The following DNAJC13 variants were observed in gnomAD, a reference collection of about 807,000 sequenced individuals.
The protein encoded by DNAJC13 is dnaJ homolog subfamily C member 13.
DNAJC13 carries 75 observed loss-of-function variants against 290.5 expected under a neutral mutation model. The ratio of observed to expected loss-of-function variants is 0.26; its 90% confidence interval spans 0.21 to 0.31. DNAJC13 has a LOEUF of 0.31. DNAJC13 is among the 10% of genes least tolerant of loss of function. The probability of loss-of-function intolerance (pLI) is 1.00; values close to 1 mark genes in which losing one functional copy is unlikely to be tolerated. For missense variants in DNAJC13, 2,260 were observed against 2,674.5 expected (o/e 0.85, Z 3.42); for synonymous variants, 862 against 892.0 (o/e 0.97, Z 0.60).
In DNAJC13 at chr3:132,454,049, T is replaced by C. The variant is rs779990962; in HGVS notation, c.841-17T>C. The C allele has an allele frequency of 1.2e-5, 19 of 1,558,918 alleles. 1 individual carries two copies. The Admixed American group carries it at 3.9e-4, about 32-fold the overall frequency. On this transcript the variant is annotated splice_polypyrimidine_tract_variant and intron_variant, in intron 8 of 55. Transcript: ENST00000260818. ...TAAACTTTTTTTTGTTGAAGCTATT[T>C]TTTGTTTTTTCATTAGGTATTTGCG... is the stretch of plus-strand genomic sequence containing the variant.
chr3:132,494,914 AG>A (rs1935183130), intron 34 of DNAJC13, among the ~76,000 whole-genome samples, 173 bp from the exon 35 acceptor site: 1 of 150,624 alleles, frequency 6.6e-6, no homozygotes, highest in Non-Finnish European at 1.5e-5. Flanking sequence ...CACCCATAAA[AG>A]TAACATGTTA....
At chr3:132,493,476 C>T (rs1215889954) in intron 33 of DNAJC13, among the ~76,000 whole-genome samples, 1 of 151,742 alleles carries the variant, frequency 6.6e-6, no homozygotes, top group Non-Finnish European at 1.5e-5. Flanking sequence ...TCCAGCTCTA[C>T]CACTAAACTG....
chr3:132,511,317 A>T (rs1206585129), intron 44 of DNAJC13, 73 bp downstream of exon 44: 9 of 1,534,430 alleles, frequency 5.9e-6, no homozygotes, highest in Admixed American at 3.9e-5. Context: ...AATCAATTTT[A>T]TCAGGGAAAC....
chr3:132,504,191 T>A (rs924138732), intron 41 of DNAJC13, among the ~76,000 whole-genome samples: 2 of 152,104 alleles, frequency 1.3e-5, no homozygotes, highest in Non-Finnish European at 2.9e-5. Context: ...TTCCAAAGTA[T>A]TTTTACAACT....
At chr3:132,454,378 A>G (rs1348134277) in intron 9 of DNAJC13, among the ~76,000 whole-genome samples, 1 of 121,812 alleles carries the variant, frequency 8.2e-6, no homozygotes, top group South Asian at 2.6e-4. Context: ...CTGGAGTGCT[A>G]TGGCGTGATC....
chr3:132,447,233 T>C, intron 3 of DNAJC13, 88 bp from the exon 4 acceptor site: 1 of 1,166,994 alleles, frequency 8.6e-7, no homozygotes, highest in East Asian at 2.8e-5. Flanking sequence ...GCTGATTTAA[T>C]CAGTGATTAT....
At chr3:132,507,942 A>G (rs1027422282) in intron 43 of DNAJC13, among the ~76,000 whole-genome samples, 4 of 152,248 alleles carry the variant, frequency 2.6e-5, no homozygotes, top group African/African-American at 9.6e-5. Context: ...GCCGAAAGCT[A>G]TGCCTCTTGT....
intron 16 of DNAJC13, 35 bp from the exon 17 acceptor site, chr3:132,463,661 G>GCCA: frequency 6.3e-7 from 1 of 1,579,978 alleles, no homozygotes; most frequent in Admixed American, 1.8e-5. Context: ...GTCCTGGATT[G>GCCA]CCACCTTAGG....
At chr3:132,535,287 T>TA (rs1192282903) in intron 55 of DNAJC13, among the ~76,000 whole-genome samples, 1 of 152,224 alleles carries the variant, frequency 6.6e-6, no homozygotes, top group Non-Finnish European at 1.5e-5. Flanking sequence ...GTAAAAATTT[T>TA]AAAGTCCTAG....
chr3:132,470,575 G>A (rs1178416482), intron 20 of DNAJC13, among the ~76,000 whole-genome samples: 3 of 139,782 alleles, frequency 2.1e-5, no homozygotes, highest in South Asian at 2.3e-4. Flanking sequence ...GGGCAGAGGC[G>A]CCCCTCACCT....
At chr3:132,440,292 G>T (rs982465473) in intron 2 of DNAJC13, among the ~76,000 whole-genome samples, 14 of 152,140 alleles carry the variant, frequency 9.2e-5, no homozygotes, top group African/African-American at 3.4e-4. Flanking sequence ...AAACATAAAT[G>T]TACTAATTAT....
chr3:132,526,363 T>C lies in DNAJC13; in HGVS notation c.6381+82T>C, dbSNP rs1576522501. The C allele has an allele frequency of 6.5e-6, 10 of 1,550,234 alleles. No individual in the cohort carries two copies. In the East Asian group the frequency reaches 2.3e-4, roughly 35 times the overall value. The stretch of plus-strand genomic sequence containing the variant: ...TTTTACCTATTTGGTACTGATTTGG[T>C]TTCCTTGACTTAAGGTTGGTGAGAG... On this transcript the variant is annotated intron_variant, in intron 53 of 55. Coordinates refer to ENST00000260818, the MANE Select transcript of DNAJC13 (RefSeq NM_015268.4).
intron 13 of DNAJC13, among the ~76,000 whole-genome samples, chr3:132,459,935 T>C (rs2107672576): frequency 6.6e-6 from 1 of 152,352 alleles, no homozygotes; most frequent in Non-Finnish European, 1.5e-5. Context: ...TGCTAAGTTT[T>C]ATTTCAAATT....
intron 55 of DNAJC13, chr3:132,537,073 CCT>C: frequency 4.4e-6 from 2 of 454,566 alleles, no homozygotes; most frequent in Non-Finnish European, 4.4e-6. Context: ...TCCACCAATC[CCT>C]GTTTCTACCT....
At position 132,511,192 on chromosome 3, in the gene DNAJC13, G is replaced by T; in HGVS notation, c.5241G>T (p.Pro1747=). The T allele has an allele frequency of 6.2e-7, 1 of 1,613,822 alleles. No individual in the cohort carries two copies. The highest frequency in any genetic ancestry group is 8.5e-7 in the Non-Finnish European group (1 of 1,179,858). Reference sequence around the variant, plus strand: ...CAGAGCAACATGGAGATCGCTTACCGAGAGTAGAAATGGCTTTGGAGGCTC... The same window carrying T: ...CAGAGCAACATGGAGATCGCTTACCTAGAGTAGAAATGGCTTTGGAGGCTC... The part of the protein sequence containing the change: ...VESEQHGDRL[P]RVEMALEALR... The change falls in exon 44 of 56, where the codon CCG becomes CCT. Residue 1747 remains proline (P), a synonymous_variant. Coordinates refer to ENST00000260818, the MANE Select transcript of DNAJC13 (RefSeq NM_015268.4).
intron 1 of DNAJC13, among the ~76,000 whole-genome samples, chr3:132,417,965 G>A (rs1938841239): frequency 6.6e-6 from 1 of 152,152 alleles, no homozygotes; most frequent in African/African-American, 2.4e-5. Flanking sequence ...AGTGACATTA[G>A]CTCAGGGCGC....
At chr3:132,511,385 C>A in intron 44 of DNAJC13, 141 bp downstream of exon 44, 2 of 1,003,664 alleles carry the variant, frequency 2.0e-6, no homozygotes, top group Non-Finnish European at 2.8e-6. Context: ...GGAATTGACC[C>A]TGTAATAGTT....
chr3:132,492,375 T>C (rs1935081645), intron 32 of DNAJC13, 39 bp from the exon 33 acceptor site: 6 of 1,594,624 alleles, frequency 3.8e-6, no homozygotes, highest in South Asian at 1.1e-5. Flanking sequence ...TTTAAAATAA[T>C]ACCTCATAAA....
At chr3:132,478,289 G>GTATATGTAAATATACAT in intron 24 of DNAJC13, 149 bp downstream of exon 24, 1 of 656,816 alleles carries the variant, frequency 1.5e-6, no homozygotes, top group South Asian at 2.9e-5. Context: ...ATTTAAATCT[G>GTATATGTAAATATACAT]AGTTAGATGA....
Sources: allele counts gnomAD v4.1 joint callset (sites outside exome capture counted in the v4.1 genomes callset), GRCh38; gene constraint gnomAD v4.1.1; transcripts MANE v1.5; gene names NCBI Gene and HGNC (gene_info 2026-07-23, HGNC 2026-07-21).